The following SLC30A10 variants were observed in gnomAD, a reference collection of about 807,000 sequenced individuals.
SLC30A10 encodes calcium/manganese antiporter SLC30A10.
In SLC30A10, 8 loss-of-function variants were observed where a neutral mutation model predicts 21.7. The ratio of observed to expected loss-of-function variants is 0.37; its 90% CI spans 0.22 to 0.67. The LOEUF (loss-of-function observed/expected upper bound fraction) is 0.67, where lower values mean the gene tolerates loss of function less well. Ranked by LOEUF, SLC30A10 falls within the 30% of genes least tolerant of loss-of-function variation. The probability of loss-of-function intolerance (pLI) is 0.58; values close to 1 mark genes in which losing one functional copy is unlikely to be tolerated. For missense variants in SLC30A10, 521 were observed against 642.5 expected (o/e 0.81, Z 2.04); for synonymous variants, 272 against 279.4 (o/e 0.97, Z 0.26).
chr1:219,917,651 AAGTAGCCCAGGAATAGGTATTATCC>A (rs112171674), intron 3 of SLC30A10, among the ~76,000 whole-genome samples: 2,754 of 152,078 alleles, frequency 0.018, 82 homozygotes, highest in African/African-American at 0.06. Context: ...ACATGAAAGT[AAGTAGCCCAGGAATAGGTATTATCC>A]AAGCATTGCA....
intron 1 of SLC30A10, among the ~76,000 whole-genome samples, chr1:219,938,061 G>T (rs1485992549): frequency 6.6e-6 from 1 of 151,930 alleles, no homozygotes; most frequent in Non-Finnish European, 1.5e-5. Context: ...TTTTTTGCTG[G>T]TTCCTTTTTT....
chr1:219,924,813 T>A (rs1035575884), intron 2 of SLC30A10, among the ~76,000 whole-genome samples: 1 of 152,246 alleles, frequency 6.6e-6, no homozygotes, highest in Non-Finnish European at 1.5e-5. Context: ...ATATGTTTCA[T>A]TTATTTCAAA....
At chr1:219,943,876 G>T (rs928600304) in intron 1 of SLC30A10, among the ~76,000 whole-genome samples, 5 of 152,090 alleles carry the variant, frequency 3.3e-5, no homozygotes, top group African/African-American at 1.2e-4. Flanking sequence ...GAGGTGGGTG[G>T]ATCACAAGGT....
chr1:219,945,608 A>G (rs1571811939), intron 1 of SLC30A10, among the ~76,000 whole-genome samples: 1 of 152,238 alleles, frequency 6.6e-6, no homozygotes, highest in Non-Finnish European at 1.5e-5. Context: ...GAATAAGATC[A>G]AATATTATCT....
At chr1:219,921,907 A>AAGAGAGAGAGAG (rs1218617156) in intron 2 of SLC30A10, among the ~76,000 whole-genome samples, 6 of 65,984 alleles carry the variant, frequency 9.1e-5, no homozygotes, top group African/African-American at 4.7e-4. Context: ...GTGTGTGTGA[A>AAGAGAGAGAGAG]AGAGAGAGAG....
chr1:219,959,005 G>C (rs1660387742), upstream of SLC30A10, among the ~76,000 whole-genome samples: 1 of 152,198 alleles, frequency 6.6e-6, no homozygotes, highest in Non-Finnish European at 1.5e-5. Flanking sequence ...GCTTCTTCCG[G>C]AGTATCGCCC....
chr1:219,929,272 G>A (rs1283384642), upstream of SLC30A10, among the ~76,000 whole-genome samples: 2 of 152,110 alleles, frequency 1.3e-5, no homozygotes, highest in East Asian at 3.9e-4. Context: ...TGGGTGAATC[G>A]CAGGCAGCCC....
chr1:219,940,874 G>T (rs1660110984), intron 1 of SLC30A10, among the ~76,000 whole-genome samples: 1 of 152,174 alleles, frequency 6.6e-6, no homozygotes, highest in African/African-American at 2.4e-5. Flanking sequence ...AGAGAGGTGA[G>T]GGTTGATCAG....
intron 2 of SLC30A10, among the ~76,000 whole-genome samples, chr1:219,919,507 G>A (rs1659626005): frequency 6.6e-6 from 1 of 152,242 alleles, no homozygotes; most frequent in Admixed American, 6.5e-5. Context: ...TGGGCGTGGT[G>A]GCTCACTCCT....
rs1659408872 is a variant in SLC30A10 at position 219,911,172 on chromosome 1, TTTG to T, written c.*4274_*4276del. ...CAGTTTTTTTTTTTTTTTTTTTTTT[TTTG>T]CAGTCTTTTACTACAGGAATGTGAA... On this transcript the variant is annotated 3_prime_UTR_variant, in exon 4 of 4. Coordinates refer to ENST00000366926, the MANE Select transcript of SLC30A10 (RefSeq NM_018713.3). Among the ~76,000 whole-genome samples the T allele has an allele frequency of 1.0e-4, 14 of 138,390 alleles. No homozygotes were observed. The South Asian group carries it at 3.3e-3, about 32-fold the overall frequency. The allele number at this position is 138,390 out of a possible 152,430, so 90.8% of individuals were successfully genotyped here.
chr1:219,952,526 AG>A (rs1210227039), intron 1 of SLC30A10, among the ~76,000 whole-genome samples: 1 of 152,130 alleles, frequency 6.6e-6, no homozygotes, highest in Non-Finnish European at 1.5e-5. Context: ...CTGGACTCAA[AG>A]TTTTAATTTC....
At position 219,912,527 on chromosome 1, in the gene SLC30A10, T is replaced by C. The variant is rs1659437745; in HGVS notation, c.*2922A>G. 6.6e-6 allele frequency among the ~76,000 whole-genome samples: 1 copy of C among 152,112 alleles called. No homozygotes were observed. Among genetic ancestry groups the C allele is most frequent in the African/African-American group, 2.4e-5 (1 of 41,422 alleles). ...CTGAGCTGACACACAAAATATGCCGTAGACTTTAAAAATTATGTCAGTTCT... is the reference window on the plus strand; with the variant it reads ...CTGAGCTGACACACAAAATATGCCGCAGACTTTAAAAATTATGTCAGTTCT... On this transcript the variant is annotated 3_prime_UTR_variant, in exon 4 of 4. Transcript: ENST00000366926.
chr1:219,955,415 C>T (rs1259634426), intron 1 of SLC30A10, among the ~76,000 whole-genome samples: 1 of 152,142 alleles, frequency 6.6e-6, no homozygotes, highest in Admixed American at 6.5e-5. Context: ...CTAAGACTTC[C>T]AAGTTTTCTC....
rs1659420518 is a variant in SLC30A10, at chr1:219,911,763, C to T, written c.*3686G>A. Among the ~76,000 whole-genome samples, 1 of 152,116 alleles carries T rather than the reference C, an allele frequency of 6.6e-6. No homozygotes were observed. Among genetic ancestry groups the T allele is most frequent in the Non-Finnish European group, 1.5e-5 (1 of 68,014 alleles). On this transcript the variant is annotated 3_prime_UTR_variant, in exon 4 of 4. Transcript: ENST00000366926. ...AAAAGACTATGGGACTTTGGAGAGG[C>T]TTTCATTAACATTGTCCCTAAACTA...
intron 1 of SLC30A10, among the ~76,000 whole-genome samples, chr1:219,934,893 C>T (rs918493789): frequency 1.3e-5 from 2 of 152,110 alleles, no homozygotes; most frequent in African/African-American, 4.8e-5. Flanking sequence ...GAGACGCACT[C>T]ATAGAGAAAC....
At chr1:219,947,575 C>T (rs1285834191) in intron 1 of SLC30A10, among the ~76,000 whole-genome samples, 2 of 152,124 alleles carry the variant, frequency 1.3e-5, no homozygotes, top group East Asian at 3.9e-4. Flanking sequence ...GACACCTATT[C>T]AGGTGCAGAC....
chr1:219,920,802 C>G (rs1659658331), intron 2 of SLC30A10, among the ~76,000 whole-genome samples: 2 of 152,160 alleles, frequency 1.3e-5, no homozygotes, highest in South Asian at 4.1e-4. Flanking sequence ...ATTACAGGGC[C>G]TGAGCTACGT....
intron 1 of SLC30A10, among the ~76,000 whole-genome samples, chr1:219,954,034 C>T (rs1660310366): frequency 6.6e-6 from 1 of 151,944 alleles, no homozygotes; most frequent in African/African-American, 2.4e-5. Context: ...ATAGTATTTG[C>T]TACTGGTAGA....
At chr1:219,923,787 C>T (rs564251576) in intron 2 of SLC30A10, among the ~76,000 whole-genome samples, 115 of 152,286 alleles carry the variant, frequency 7.6e-4, no homozygotes, top group African/African-American at 2.7e-3. Flanking sequence ...TTGCCAGGCA[C>T]GGTGGCTCAC....
Sources: allele counts gnomAD v4.1 joint callset (sites outside exome capture counted in the v4.1 genomes callset), GRCh38; gene constraint gnomAD v4.1.1; transcripts MANE v1.5; gene names NCBI Gene and HGNC (gene_info 2026-07-23, HGNC 2026-07-21).